SMYD3: variants seen among roughly 807,000 people sequenced by gnomAD.
SMYD3 encodes SET and MYND domain containing 3.
In SMYD3, 36 loss-of-function variants were observed where a neutral mutation model predicts 57.7. That is an observed-to-expected ratio of 0.62 (90% confidence interval 0.48 to 0.82). SMYD3 has a LOEUF of 0.82. Among genes scored for constraint, SMYD3 ranks in the 40% least tolerant of loss-of-function variants. The probability of loss-of-function intolerance (pLI) is 0.00; values close to 1 mark genes in which losing one functional copy is unlikely to be tolerated. For missense variants in SMYD3, 515 were observed against 538.8 expected (o/e 0.96, Z 0.44); for synonymous variants, 211 against 195.0 (o/e 1.08, Z -0.68).
chr1:245,921,528 C>T (rs1222091179), intron 7 of SMYD3, among the ~76,000 whole-genome samples: 1 of 133,118 alleles, frequency 7.5e-6, no homozygotes, highest in Non-Finnish European at 1.6e-5. Context: ...TGCCCATCAA[C>T]AGTGAGCTAA....
At chr1:246,278,071 A>G (rs970300944) in intron 5 of SMYD3, among the ~76,000 whole-genome samples, 1 of 152,228 alleles carries the variant, frequency 6.6e-6, no homozygotes, top group African/African-American at 2.4e-5. Context: ...CAAACAGCCA[A>G]CTTTAAAAGG....
At chr1:246,390,264 A>G (rs2066538816) in intron 1 of SMYD3, among the ~76,000 whole-genome samples, 1 of 148,922 alleles carries the variant, frequency 6.7e-6, no homozygotes, top group African/African-American at 2.5e-5. Context: ...AAGAAGGAAT[A>G]CTGGAAATTG....
intron 5 of SMYD3, among the ~76,000 whole-genome samples, chr1:246,218,652 T>G (rs1483277997): frequency 6.6e-6 from 1 of 151,942 alleles, no homozygotes. Context: ...CAACACTGTA[T>G]TTCTTAAGAC....
At chr1:245,878,898 G>A (rs1038737106) in intron 8 of SMYD3, among the ~76,000 whole-genome samples, 1 of 152,350 alleles carries the variant, frequency 6.6e-6, no homozygotes, top group Admixed American at 6.5e-5. Context: ...GGCAGAGAAA[G>A]AAGGGAAGCT....
intron 7 of SMYD3, among the ~76,000 whole-genome samples, chr1:245,917,687 C>G (rs1186601561): frequency 1.3e-5 from 2 of 152,212 alleles, no homozygotes; most frequent in African/African-American, 2.4e-5. Context: ...AATTCCCTTA[C>G]CTGCTCTAGT....
intron 5 of SMYD3, among the ~76,000 whole-genome samples, chr1:246,287,037 A>AT (rs1466336540): frequency 6.6e-6 from 1 of 151,876 alleles, no homozygotes; most frequent in Non-Finnish European, 1.5e-5. Context: ...GGACCGGCTA[A>AT]TTTTTTGTAT....
chr1:245,787,848 C>T (rs1324126810), intron 10 of SMYD3, among the ~76,000 whole-genome samples: 3 of 152,142 alleles, frequency 2.0e-5, no homozygotes, highest in Non-Finnish European at 2.9e-5. Context: ...AAGCAAACCA[C>T]GGAGAGTTGA....
At chr1:246,353,325 T>G (rs1030114972) in intron 2 of SMYD3, among the ~76,000 whole-genome samples, 1 of 152,162 alleles carries the variant, frequency 6.6e-6, no homozygotes, top group African/African-American at 2.4e-5. Flanking sequence ...CTCAGGAGTT[T>G]AACATCAGCC....
intron 1 of SMYD3, among the ~76,000 whole-genome samples, chr1:246,492,803 C>G (rs1157694950): frequency 6.6e-6 from 1 of 152,174 alleles, no homozygotes; most frequent in East Asian, 1.9e-4. Flanking sequence ...CTTTTCCTTC[C>G]TAGTGTTCCC....
At chr1:246,342,098 G>A (rs537551079) in intron 2 of SMYD3, among the ~76,000 whole-genome samples, 99 of 152,242 alleles carry the variant, frequency 6.5e-4, no homozygotes, top group African/African-American at 2.3e-3. Context: ...TTGAAAATTT[G>A]CAACAGTATT....
chr1:246,207,107 T>C (rs2063012113), intron 5 of SMYD3, among the ~76,000 whole-genome samples: 1 of 152,104 alleles, frequency 6.6e-6, no homozygotes, highest in African/African-American at 2.4e-5. Flanking sequence ...AACATAATAA[T>C]GAGTAGTCAC....
At chr1:246,506,682 T>C (rs1572067502) in intron 1 of SMYD3, among the ~76,000 whole-genome samples, 1 of 152,126 alleles carries the variant, frequency 6.6e-6, no homozygotes, top group Admixed American at 6.5e-5. Flanking sequence ...ACGTGTGATT[T>C]CCACAGCCGC....
At chr1:245,824,883 T>G (rs1278617266) in intron 10 of SMYD3, among the ~76,000 whole-genome samples, 1 of 132,986 alleles carries the variant, frequency 7.5e-6, no homozygotes, top group African/African-American at 2.9e-5. Flanking sequence ...AAAAAAAAAT[T>G]AGTCGGGTGT....
chr1:246,472,844 C>T (rs12097046), intron 1 of SMYD3, among the ~76,000 whole-genome samples: 56,963 of 147,266 alleles, frequency 0.39, 12,635 homozygotes, highest in East Asian at 0.62. Context: ...CGCAGTTACT[C>T]TCAAATTTCT....
At chr1:245,804,975 T>C (rs948892262) in intron 10 of SMYD3, among the ~76,000 whole-genome samples, 3 of 152,176 alleles carry the variant, frequency 2.0e-5, no homozygotes, top group Non-Finnish European at 4.4e-5. Context: ...CCAACCCATC[T>C]CAAAATGTTG....
intron 7 of SMYD3, among the ~76,000 whole-genome samples, chr1:245,923,753 T>C (rs1305833263): frequency 6.6e-6 from 1 of 152,186 alleles, no homozygotes; most frequent in African/African-American, 2.4e-5. Flanking sequence ...CCTGTGCCCA[T>C]TTACACCACT....
intron 5 of SMYD3, among the ~76,000 whole-genome samples, chr1:245,955,576 T>A (rs2057815309): frequency 6.6e-6 from 1 of 152,216 alleles, no homozygotes; most frequent in Non-Finnish European, 1.5e-5. Context: ...TAGATTTACC[T>A]GATACCTGAG....
intron 8 of SMYD3, among the ~76,000 whole-genome samples, chr1:245,881,728 T>C (rs2052789292): frequency 6.6e-6 from 1 of 152,186 alleles, no homozygotes; most frequent in Non-Finnish European, 1.5e-5. Context: ...ATAAAGGCAT[T>C]GCAGAAAATA....
chr1:246,274,367 C>T (rs922002005), intron 5 of SMYD3, among the ~76,000 whole-genome samples: 1 of 152,092 alleles, frequency 6.6e-6, no homozygotes, highest in Non-Finnish European at 1.5e-5. Context: ...TCTCACAATG[C>T]CTGATTTTTA....
Sources: gnomAD v4.1 joint callset for allele counts (sites outside exome capture counted in the v4.1 genomes callset) on GRCh38, gnomAD v4.1.1 for gene constraint, MANE v1.5 for transcripts, NCBI Gene and HGNC (gene_info 2026-07-23, HGNC 2026-07-21) for gene names.